SH3GL2: variants seen among roughly 807,000 people sequenced by gnomAD.
SH3GL2 encodes SH3 domain containing GRB2 like 2, endophilin A1, also known as endophilin-A1.
In SH3GL2, 24 loss-of-function variants were observed where a neutral mutation model predicts 46.0. That is an observed-to-expected ratio of 0.52 (90% CI 0.38 to 0.73). SH3GL2 has a LOEUF of 0.73. Ranked by LOEUF, SH3GL2 falls within the 30% of genes least tolerant of loss-of-function variation. SH3GL2 has a pLI of 0.00. For missense variants in SH3GL2, 413 were observed against 424.2 expected, an observed-to-expected ratio of 0.97 and a Z score of 0.23; for synonymous variants, 196 against 147.1, an observed-to-expected ratio of 1.33 and a Z score of -2.40.
At chr9:17,657,343 T>C (rs1278131414) in intron 1 of SH3GL2, among the ~76,000 whole-genome samples, 1 of 152,106 alleles carries the variant, frequency 6.6e-6, no homozygotes, top group Non-Finnish European at 1.5e-5. Context: ...ATCTGGAGCA[T>C]GATAGGAGAG....
chr9:17,745,466 A>G (rs1362224304), intron 1 of SH3GL2, among the ~76,000 whole-genome samples: 3 of 152,132 alleles, frequency 2.0e-5, no homozygotes, highest in African/African-American at 4.8e-5. Flanking sequence ...CTGTGTACCT[A>G]TCAAGGAATG....
intron 1 of SH3GL2, among the ~76,000 whole-genome samples, chr9:17,686,104 C>T (rs1329401637): frequency 7.4e-6 from 1 of 135,554 alleles, no homozygotes; most frequent in Non-Finnish European, 1.5e-5. Flanking sequence ...AAGAAAAAAA[C>T]AACCCCATCA....
chr9:17,790,393 A>G (rs1437432901), intron 6 of SH3GL2: 21 of 979,178 alleles, frequency 2.1e-5, no homozygotes, highest in Non-Finnish European at 2.3e-5. Context: ...CACATTGCCT[A>G]CTTGCCTTAC....
intron 1 of SH3GL2, among the ~76,000 whole-genome samples, chr9:17,734,917 C>G (rs1822285844): frequency 6.6e-6 from 1 of 152,050 alleles, no homozygotes; most frequent in Non-Finnish European, 1.5e-5. Flanking sequence ...CACTAAAAAT[C>G]ACTGGATTGT....
At chr9:17,655,397 C>T (rs1420940501) in intron 1 of SH3GL2, among the ~76,000 whole-genome samples, 1 of 152,120 alleles carries the variant, frequency 6.6e-6, no homozygotes, top group African/African-American at 2.4e-5. Context: ...CTGCCCCCTG[C>T]TCATATAGCT....
intron 1 of SH3GL2, among the ~76,000 whole-genome samples, chr9:17,628,411 GGTGT>G (rs3084633): frequency 0.017 from 2,484 of 143,722 alleles, 24 homozygotes; most frequent in Admixed American, 0.021. Context: ...CTATATCTTG[GGTGT>G]GTGTGTGTGT....
At chr9:17,604,186 G>A (rs2134568147) in intron 1 of SH3GL2, among the ~76,000 whole-genome samples, 1 of 152,240 alleles carries the variant, frequency 6.6e-6, no homozygotes, top group East Asian at 1.9e-4. Flanking sequence ...TCCTGCGTGG[G>A]CTTCTTCCTT....
chr9:17,768,687 A>G (rs183006477), intron 3 of SH3GL2, among the ~76,000 whole-genome samples: 3 of 152,190 alleles, frequency 2.0e-5, no homozygotes, highest in Admixed American at 2.0e-4. Flanking sequence ...TCCTGGTAGA[A>G]TATGGGCCCT....
intron 1 of SH3GL2, among the ~76,000 whole-genome samples, chr9:17,631,811 A>G (rs1819432771): frequency 6.6e-6 from 1 of 152,198 alleles, no homozygotes; most frequent in Non-Finnish European, 1.5e-5. Context: ...GCTCACTTTG[A>G]AAAGTAAAGA....
intron 1 of SH3GL2, among the ~76,000 whole-genome samples, chr9:17,648,581 A>G (rs1339277046): frequency 6.6e-6 from 1 of 152,138 alleles, no homozygotes; most frequent in East Asian, 1.9e-4. Flanking sequence ...TTGCCTTTGA[A>G]TATTTTCTTG....
chr9:17,757,053 C>A (rs9407836), intron 2 of SH3GL2, among the ~76,000 whole-genome samples: 5,529 of 152,186 alleles, frequency 0.036, 175 homozygotes, highest in African/African-American at 0.091. Flanking sequence ...TTGTGGTTTT[C>A]ATTTGCATTT....
intron 1 of SH3GL2, among the ~76,000 whole-genome samples, chr9:17,616,603 A>T (rs1324564326): frequency 6.6e-6 from 1 of 152,170 alleles, no homozygotes; most frequent in African/African-American, 2.4e-5. Context: ...AAATAACTAG[A>T]TTATGAATCT....
At chr9:17,757,182 C>G (rs760275919) in intron 2 of SH3GL2, among the ~76,000 whole-genome samples, 2 of 152,052 alleles carry the variant, frequency 1.3e-5, no homozygotes, top group African/African-American at 4.8e-5. Context: ...AAATGTTAGA[C>G]CTAAGACCAT....
intron 1 of SH3GL2, among the ~76,000 whole-genome samples, chr9:17,695,721 A>C (rs1223878542): frequency 2.0e-5 from 3 of 152,032 alleles, no homozygotes; most frequent in Non-Finnish European, 2.9e-5. Context: ...TATTATGCAG[A>C]GAGCTAGGAG....
At chr9:17,647,149 T>G (rs1219690959) in intron 1 of SH3GL2, among the ~76,000 whole-genome samples, 1 of 152,216 alleles carries the variant, frequency 6.6e-6, no homozygotes, top group East Asian at 1.9e-4. Context: ...TCTAATGATC[T>G]GAAGTTAACA....
At chr9:17,584,353 A>AT (rs1159996146) in intron 1 of SH3GL2, among the ~76,000 whole-genome samples, 1 of 152,012 alleles carries the variant, frequency 6.6e-6, no homozygotes, top group African/African-American at 2.4e-5. Flanking sequence ...ATACAAAAAG[A>AT]TTAGCTGGGC....
chr9:17,761,362 T>C (rs756780072), intron 2 of SH3GL2, 75 bp from the exon 3 acceptor site: 4 of 931,704 alleles, frequency 4.3e-6, no homozygotes, highest in Admixed American at 1.7e-5. Flanking sequence ...CGCCATTGTA[T>C]ACAGACTCAA....
Position 17,579,501 on chromosome 9 carries a change from C to T in SH3GL2, c.45+214C>T, listed in dbSNP as rs1818233701. 2.0e-5 allele frequency among the ~76,000 whole-genome samples: 3 copies of T among 152,066 alleles called. No homozygotes were observed. The Middle Eastern group carries it at 0.01, about 521-fold the overall frequency. On this transcript the variant is annotated intron_variant, in intron 1 of 8. Transcript: ENST00000380607. The stretch of plus-strand genomic sequence containing the variant: ...CCCGCCCCCGGCTTGGTGCGCGCTG[C>T]CTTCCCGCGGGTCCCCGGCGTCCTG...
intron 1 of SH3GL2, among the ~76,000 whole-genome samples, chr9:17,623,039 T>TCCTTTCCTTC (rs1563786548): frequency 1.9e-3 from 156 of 84,122 alleles, no homozygotes; most frequent in Non-Finnish European, 2.8e-3. Context: ...TCCTTTCCTT[T>TCCTTTCCTTC]CCTTCCCCTT....
Sources: allele counts gnomAD v4.1 joint callset (sites outside exome capture counted in the v4.1 genomes callset), GRCh38; gene constraint gnomAD v4.1.1; transcripts MANE v1.5; gene names NCBI Gene and HGNC (gene_info 2026-07-23, HGNC 2026-07-21).